STIP1: variants seen among roughly 807,000 people sequenced by gnomAD.
STIP1 encodes stress induced phosphoprotein 1.
Under a neutral mutation model 77.4 loss-of-function variants are expected in STIP1, and 16 were observed. The observed-to-expected ratio is 0.21, with a 90% CI of 0.14 to 0.31. The LOEUF (loss-of-function observed/expected upper bound fraction) is 0.31. STIP1 is among the 10% of genes least tolerant of loss of function. The probability of loss-of-function intolerance (pLI) is 1.00; values close to 1 mark genes in which losing one functional copy is unlikely to be tolerated. For synonymous variants in STIP1, 258 were observed against 246.6 expected (o/e 1.05, Z -0.44); for missense variants, 524 against 684.8 (o/e 0.77, Z 2.62).
intron 1 of STIP1, among the ~76,000 whole-genome samples, chr11:64,191,959 G>T (rs1336794956): frequency 1.3e-5 from 2 of 152,078 alleles, no homozygotes; most frequent in Admixed American, 6.6e-5. Context: ...TGGCCGGGCA[G>T]AGGCGCTCCT....
chr11:64,203,779 A>G (rs1946248752), intron 13 of STIP1, 157 bp downstream of exon 13: 1 of 943,148 alleles, frequency 1.1e-6, no homozygotes, highest in Non-Finnish European at 1.6e-6. Flanking sequence ...GGCGAGCTGG[A>G]AGGGCTTTGT....
chr11:64,188,796 G>T lies in STIP1; in HGVS notation c.9+2526G>T, dbSNP rs368373875. 2.0e-5 allele frequency among the ~76,000 whole-genome samples: 3 copies of T among 152,262 alleles called. No homozygotes were observed. In the East Asian group the frequency reaches 5.8e-4, roughly 29 times the overall value. The stretch of plus-strand genomic sequence containing the variant: ...AGCAAACTGGCATGGCAGCTGTACA[G>T]ATGACCTGGCATTTAATCCCAGGTG... On this transcript the variant is annotated intron_variant, in intron 1 of 13. Transcript: ENST00000305218.
intron 1 of STIP1, among the ~76,000 whole-genome samples, chr11:64,189,327 C>A (rs1276838172): frequency 1.3e-5 from 2 of 152,072 alleles, no homozygotes; most frequent in East Asian, 3.9e-4. Flanking sequence ...CGCCACTGCA[C>A]TCCAGACTGG....
At chr11:64,190,613 C>T (rs1946081747) in intron 1 of STIP1, among the ~76,000 whole-genome samples, 1 of 152,226 alleles carries the variant, frequency 6.6e-6, no homozygotes. Context: ...TTTCTCTTGA[C>T]AAAACTATTT....
rs200400991 is a variant in STIP1, at chr11:64,194,233, T to C, written c.264T>C (p.Phe88=). ...CAGCTCTAGAGTTCTTAAACCGCTTTGAAGAAGCCAAGCGAACCTATGAGG... is the reference window on the plus strand; with the variant it reads ...CAGCTCTAGAGTTCTTAAACCGCTTCGAAGAAGCCAAGCGAACCTATGAGG... ...KAAALEFLNR[F]EEAKRTYEEG... The change falls in exon 3 of 14, where the codon TTT becomes TTC. Residue 88 remains phenylalanine, a synonymous_variant. Transcript: ENST00000305218. 1.4e-5 allele frequency: 22 copies of C among 1,614,220 alleles called. No individual in the cohort carries two copies. In the East Asian group the frequency reaches 4.9e-4, roughly 36 times the overall value.
intron 4 of STIP1, 21 bp from the exon 5 acceptor site, chr11:64,195,624 A>G: frequency 6.4e-7 from 1 of 1,551,132 alleles, no homozygotes; most frequent in Non-Finnish European, 8.7e-7. Flanking sequence ...ATTTTTCTTT[A>G]TTTTTTTAAA....
chr11:64,185,971 A>C, upstream of STIP1: 1 of 1,539,330 alleles, frequency 6.5e-7, no homozygotes, highest in Non-Finnish European at 8.7e-7. Flanking sequence ...GGAGCCTGAG[A>C]TGGGTGGGTT....
chr11:64,186,101 C>A, upstream of STIP1: 2 of 1,550,330 alleles, frequency 1.3e-6, no homozygotes, highest in Non-Finnish European at 1.7e-6. Context: ...AGTAGAGCAG[C>A]ACAGACATTC....
chr11:64,203,421 G>A (rs773863132), intron 12 of STIP1, 29 bp from the exon 13 acceptor site: 8 of 1,613,344 alleles, frequency 5.0e-6, no homozygotes, highest in South Asian at 1.1e-5. Context: ...GTCCTAACAC[G>A]CTTCACCTTT....
At position 64,197,991 on chromosome 11, in the gene STIP1, T is replaced by C; in HGVS notation, c.1023+17T>C. On this transcript the variant is annotated intron_variant, in intron 8 of 13. Coordinates refer to ENST00000305218, the MANE Select transcript of STIP1 (RefSeq NM_006819.3). ...TGCCAGCAGGTGCGTAGGAAAAGAA[T>C]AGGGGTATTTTCTTGTTTTCCTAAT... The C allele has an allele frequency of 6.3e-7, 1 of 1,598,644 alleles. No individual in the cohort carries two copies. The highest frequency in any genetic ancestry group is 8.5e-7 in the Non-Finnish European group (1 of 1,174,028).
In STIP1 at chr11:64,191,757, CT is replaced by C. The variant is rs879445704; in HGVS notation, c.10-1306del. ...TCTGACAGGGCCAAGGCCTGCCTCA[CT>C]TTTTTTTTTTTTTTAATGAAAAAGT... On this transcript the variant is annotated intron_variant, in intron 1 of 13. Transcript: ENST00000305218. 5.8e-3 allele frequency among the ~76,000 whole-genome samples: 825 copies of C among 142,580 alleles called. 1 individual carries two copies. Among genetic ancestry groups the C allele is most frequent in the Middle Eastern group, 7.2e-3 (2 of 278 alleles). 93.5% of individuals were successfully genotyped at this position (142,580 alleles called of 152,430 possible).
At chr11:64,190,943 T>A (rs1946085477) in intron 1 of STIP1, among the ~76,000 whole-genome samples, 1 of 152,116 alleles carries the variant, frequency 6.6e-6, no homozygotes, top group South Asian at 2.1e-4. Context: ...ATCCCAGCAC[T>A]TTGGGAGGCC....
At chr11:64,203,341 C>T in intron 12 of STIP1, 109 bp from the exon 13 acceptor site, 2 of 1,576,570 alleles carry the variant, frequency 1.3e-6, no homozygotes, top group East Asian at 2.3e-5. Context: ...CTGTTTCTCT[C>T]TTACTTGTTC....
At chr11:64,190,883 C>A (rs1946084947) in intron 1 of STIP1, among the ~76,000 whole-genome samples, 1 of 151,972 alleles carries the variant, frequency 6.6e-6, no homozygotes. Context: ...ACTTGTAGTC[C>A]CAGCTACTTA....
chr11:64,197,271 G>T lies in STIP1; in HGVS notation c.673G>T (p.Ala225Ser), dbSNP rs1385952720. The change falls in exon 6 of 14, where the codon GCA becomes TCA. Residue 225 changes from alanine to serine, a missense_variant and splice_region_variant. Physicochemically the swap from Ala to Ser is moderately conservative, Grantham distance 99 (BLOSUM62 1). Coordinates refer to ENST00000305218, the MANE Select transcript of STIP1 (RefSeq NM_006819.3). ...EEDLPENKKQ[A>S]LKEKELGNDA... ...GCACTCACTTCTAAACCTCATCTAG[G>T]CACTGAAAGAAAAAGAGCTGGGGAA... 6.2e-7 allele frequency: 1 copy of T among 1,613,926 alleles called. No individual in the cohort carries two copies. The highest frequency in any genetic ancestry group is 1.1e-5 in the South Asian group (1 of 91,080).
At chr11:64,200,636 G>A (rs1946209185) in intron 10 of STIP1, among the ~76,000 whole-genome samples, 1 of 150,160 alleles carries the variant, frequency 6.7e-6, no homozygotes, top group African/African-American at 2.5e-5. Flanking sequence ...TGTAAAATAT[G>A]GGACCTGTAT....
At chr11:64,186,331 C>T in intron 1 of STIP1, 61 bp downstream of exon 1, 3 of 154,870 alleles carry the variant, frequency 1.9e-5, no homozygotes, top group Non-Finnish European at 3.6e-5. Flanking sequence ...GTGGCCAGGC[C>T]GCGGTAGGGG....
intron 13 of STIP1, 41 bp downstream of exon 13, chr11:64,203,663 AC>A (rs1354621288): frequency 1.2e-6 from 2 of 1,613,522 alleles, no homozygotes; most frequent in Non-Finnish European, 1.7e-6. Context: ...GAAATGGAGA[AC>A]AAAAGCAGGC....
At chr11:64,203,666 A>G (rs770831009) in intron 13 of STIP1, 44 bp downstream of exon 13, 3 of 1,613,256 alleles carry the variant, frequency 1.9e-6, no homozygotes, top group Non-Finnish European at 2.5e-6. Context: ...ATGGAGAACA[A>G]AAGCAGGCAG....
Sources: gnomAD v4.1 joint callset for allele counts (sites outside exome capture counted in the v4.1 genomes callset) on GRCh38, gnomAD v4.1.1 for gene constraint, MANE v1.5 for transcripts, NCBI Gene and HGNC (gene_info 2026-07-23, HGNC 2026-07-21) for gene names.